The following DNAJC6 variants were observed in gnomAD, a reference collection of about 807,000 sequenced individuals.
DNAJC6 encodes the protein auxilin.
Under a neutral mutation model 110.0 loss-of-function variants are expected in DNAJC6, and 34 were observed. That is an observed-to-expected ratio of 0.31 (90% CI 0.24 to 0.41). DNAJC6 has a LOEUF of 0.41. Among genes scored for constraint, DNAJC6 ranks in the 10% least tolerant of loss-of-function variants. The pLI, the probability that DNAJC6 is intolerant of heterozygous loss-of-function variation, is 1.00. For synonymous variants in DNAJC6, 406 were observed against 437.2 expected (o/e 0.93, Z 0.89); for missense variants, 1,031 against 1,207.8 (o/e 0.85, Z 2.17).
At chr1:65,302,090 T>C in intron 1 of DNAJC6, among the ~76,000 whole-genome samples, 1 of 54,732 alleles carries the variant, frequency 1.8e-5, no homozygotes, top group Admixed American at 2.8e-4. Flanking sequence ...ATTATATATA[T>C]TATATATATA....
At chr1:65,265,722 A>T (rs933296265) in intron 1 of DNAJC6, among the ~76,000 whole-genome samples, 2 of 152,190 alleles carry the variant, frequency 1.3e-5, no homozygotes, top group Non-Finnish European at 2.9e-5. Flanking sequence ...ATGGACCCCT[A>T]GGTCTCCGGA....
intron 1 of DNAJC6, among the ~76,000 whole-genome samples, chr1:65,293,348 C>T (rs1474422784): frequency 1.3e-5 from 2 of 152,142 alleles, no homozygotes; most frequent in Non-Finnish European, 2.9e-5. Flanking sequence ...GGTGTTTCTT[C>T]TTTTCCTTAT....
rs556041459 is a variant in DNAJC6 at position 65,356,128 on chromosome 1, C to T, written c.194-8507C>T. Among the ~76,000 whole-genome samples the T allele has an allele frequency of 1.2e-4, 18 of 152,082 alleles. No individual in the cohort carries two copies. In the South Asian group the frequency reaches 3.5e-3, roughly 30 times the overall value. On this transcript the variant is annotated intron_variant, in intron 1 of 18. Coordinates refer to ENST00000371069, the MANE Select transcript of DNAJC6 (RefSeq NM_001256864.2). ...CAGGTTGCCTTCTGTAATGCCTAAC[C>T]TCTTGTTTGGCATAGGGGTTATTGA...
Position 65,387,020 on chromosome 1 carries a change from A to G in DNAJC6, c.1113+91A>G. On this transcript the variant is annotated intron_variant, in intron 8 of 18. Coordinates refer to ENST00000371069, the MANE Select transcript of DNAJC6 (RefSeq NM_001256864.2). ...TTTTCTCCCCATCACTTTGGGCTTGAGTCACTTGTAGTTTTAGAATGAAAA... is the reference window on the plus strand; with the variant it reads ...TTTTCTCCCCATCACTTTGGGCTTGGGTCACTTGTAGTTTTAGAATGAAAA... The G allele has an allele frequency of 4.8e-6, 5 of 1,046,934 alleles. No individual in the cohort carries two copies. In the South Asian group the frequency reaches 6.8e-5, roughly 14 times the overall value. The allele number at this position is 1,046,934 out of a possible 1,614,324, so 64.9% of individuals were successfully genotyped here. A position where few individuals can be genotyped will look rare whatever the true frequency, so the allele number is the denominator to read the frequency against.
chr1:65,336,784 A>C (rs953941688), intron 1 of DNAJC6, among the ~76,000 whole-genome samples: 2 of 152,154 alleles, frequency 1.3e-5, no homozygotes, highest in Admixed American at 6.5e-5. Context: ...CCTTTTAAAA[A>C]ACACTGTCAC....
chr1:65,331,620 A>G (rs187271249), intron 1 of DNAJC6, among the ~76,000 whole-genome samples: 1 of 152,302 alleles, frequency 6.6e-6, no homozygotes, highest in Non-Finnish European at 1.5e-5. Flanking sequence ...GCTCATTAAC[A>G]CTTCATAAAG....
intron 1 of DNAJC6, among the ~76,000 whole-genome samples, chr1:65,272,190 G>A (rs992306828): frequency 6.6e-6 from 1 of 152,186 alleles, no homozygotes; most frequent in African/African-American, 2.4e-5. Flanking sequence ...TTTGATGTGG[G>A]ATTTATATGG....
chr1:65,302,100 AAT>A (rs1277530909), intron 1 of DNAJC6, among the ~76,000 whole-genome samples: 1 of 31,804 alleles, frequency 3.1e-5, no homozygotes, highest in Non-Finnish European at 4.8e-5. Context: ...TTATATATAT[AAT>A]ATATAATATA....
intron 1 of DNAJC6, among the ~76,000 whole-genome samples, chr1:65,338,480 T>C (rs535341236): frequency 4.6e-5 from 7 of 152,294 alleles, no homozygotes; most frequent in Non-Finnish European, 1.0e-4. Flanking sequence ...CATACTAAGC[T>C]GGGTTGGTTT....
chr1:65,352,419 G>A (rs1000652337), intron 1 of DNAJC6, among the ~76,000 whole-genome samples: 8 of 152,000 alleles, frequency 5.3e-5, no homozygotes, highest in Non-Finnish European at 1.2e-4. Flanking sequence ...TTTTGATTTA[G>A]GCTAGAAGTC....
intron 1 of DNAJC6, among the ~76,000 whole-genome samples, chr1:65,302,545 T>C (rs1291724700): frequency 7.1e-6 from 1 of 140,406 alleles, no homozygotes; most frequent in Non-Finnish European, 1.5e-5. Context: ...TTTTTTTTTT[T>C]TGAGACGGAG....
At chr1:65,362,603 A>G (rs1044763915) in intron 1 of DNAJC6, among the ~76,000 whole-genome samples, 2 of 152,202 alleles carry the variant, frequency 1.3e-5, no homozygotes, top group Non-Finnish European at 2.9e-5. Flanking sequence ...ATCTTTCCCT[A>G]TGGAGTAGGC....
upstream of DNAJC6, among the ~76,000 whole-genome samples, chr1:65,307,018 C>A (rs11806992): frequency 0.45 from 29,833 of 66,670 alleles, 5,972 homozygotes; most frequent in African/African-American, 0.56. Context: ...CTCTCTCTCT[C>A]TATATATATA....
chr1:65,358,178 C>CAACAA (rs1645562494), intron 1 of DNAJC6, among the ~76,000 whole-genome samples: 1 of 80,036 alleles, frequency 1.2e-5, no homozygotes, highest in Non-Finnish European at 2.4e-5. Context: ...GACTCAGTCT[C>CAACAA]AAAAAAAAAA....
chr1:65,364,572 G>A, intron 1 of DNAJC6, 63 bp from the exon 2 acceptor site: 1 of 1,531,966 alleles, frequency 6.5e-7, no homozygotes, highest in Non-Finnish European at 8.8e-7. Context: ...AAGAGGGATT[G>A]GTTTTCCGTG....
At chr1:65,293,307 G>A (rs1479888822) in intron 1 of DNAJC6, among the ~76,000 whole-genome samples, 4 of 152,152 alleles carry the variant, frequency 2.6e-5, no homozygotes, top group African/African-American at 9.7e-5. Flanking sequence ...GTGTGTGAGA[G>A]AGAGCCAGAG....
At chr1:65,310,012 GC>G (rs1325298866) in intron 1 of DNAJC6, 74 bp downstream of exon 1, 19 of 1,372,800 alleles carry the variant, frequency 1.4e-5, no homozygotes, top group African/African-American at 6.1e-5. Flanking sequence ...CCGGCCCGAG[GC>G]CCCCCCGTGG....
intron 13 of DNAJC6, among the ~76,000 whole-genome samples, chr1:65,398,460 A>ACG (rs2101623651): frequency 6.6e-6 from 1 of 152,356 alleles, no homozygotes; most frequent in Non-Finnish European, 1.5e-5. Flanking sequence ...ACACACACAC[A>ACG]TAAGATAGTT....
At chr1:65,372,351 A>G (rs1645715307) in intron 4 of DNAJC6, among the ~76,000 whole-genome samples, 2 of 152,132 alleles carry the variant, frequency 1.3e-5, no homozygotes, top group South Asian at 4.1e-4. Context: ...TAGATTGCCA[A>G]ATGGGGTTCA....
Sources: gnomAD v4.1 joint callset for allele counts (sites outside exome capture counted in the v4.1 genomes callset) on GRCh38, gnomAD v4.1.1 for gene constraint, MANE v1.5 for transcripts, NCBI Gene and HGNC (gene_info 2026-07-23, HGNC 2026-07-21) for gene names.